Variants in TGFBR3 observed in about 807,000 individuals in gnomAD.
The protein encoded by TGFBR3 is transforming growth factor beta receptor type 3.
A neutral mutation model predicts 87.9 loss-of-function variants in TGFBR3; 46 were observed. The observed-to-expected ratio is 0.52, with a 90% CI of 0.41 to 0.67. TGFBR3 has a LOEUF of 0.67. TGFBR3 is among the 30% of genes least tolerant of loss of function. The pLI, the probability that TGFBR3 is intolerant of heterozygous loss-of-function variation, is 0.00. For missense variants in TGFBR3, 866 were observed against 1,041.9 expected (o/e 0.83, Z 2.32); for synonymous variants, 381 against 391.6 (o/e 0.97, Z 0.32).
intron 3 of TGFBR3, among the ~76,000 whole-genome samples, chr1:91,782,315 A>G (rs1476560108): frequency 6.6e-6 from 1 of 152,204 alleles, no homozygotes; most frequent in Non-Finnish European, 1.5e-5. Context: ...ATGTATCATC[A>G]TTGGAAATTA....
At chr1:91,805,524 C>T (rs1212026910) in intron 2 of TGFBR3, among the ~76,000 whole-genome samples, 2 of 152,202 alleles carry the variant, frequency 1.3e-5, no homozygotes, top group Non-Finnish European at 2.9e-5. Context: ...GAAGACAGCA[C>T]AAATTCAAAT....
chr1:91,729,033 TACACACACACACACACACACACAC>T (rs56158224), intron 6 of TGFBR3, among the ~76,000 whole-genome samples: 1 of 89,620 alleles, frequency 1.1e-5, no homozygotes, highest in Non-Finnish European at 2.2e-5. Flanking sequence ...CACTCCAGCA[TACACACACACACACACACACACAC>T]ACACACACAC....
At chr1:91,763,329 G>C (rs1295815432) in intron 3 of TGFBR3, among the ~76,000 whole-genome samples, 1 of 152,168 alleles carries the variant, frequency 6.6e-6, no homozygotes, top group Non-Finnish European at 1.5e-5. Context: ...GTCCAATTTT[G>C]CTAACGTGTC....
intron 2 of TGFBR3, among the ~76,000 whole-genome samples, chr1:91,804,338 C>T (rs1423561186): frequency 6.6e-6 from 1 of 152,154 alleles, no homozygotes; most frequent in African/African-American, 2.4e-5. Flanking sequence ...CTGGCCAATC[C>T]CCTCTCTCCA....
At chr1:91,824,596 T>C (rs1473884449) in intron 2 of TGFBR3, among the ~76,000 whole-genome samples, 1 of 152,152 alleles carries the variant, frequency 6.6e-6, no homozygotes, top group Non-Finnish European at 1.5e-5. Flanking sequence ...TAATTCAAAA[T>C]GACAGATAAT....
intron 1 of TGFBR3, among the ~76,000 whole-genome samples, chr1:91,876,119 G>A (rs1269820228): frequency 3.3e-5 from 5 of 152,020 alleles, no homozygotes; most frequent in African/African-American, 4.8e-5. Context: ...GGGGTGTGGT[G>A]GGCGTGGGAG....
At chr1:91,864,612 C>T (rs1036780423) in intron 1 of TGFBR3, among the ~76,000 whole-genome samples, 1 of 152,118 alleles carries the variant, frequency 6.6e-6, no homozygotes, top group African/African-American at 2.4e-5. Context: ...TGAAAGATTC[C>T]CAAGGCAGAG....
chr1:91,864,960 T>C (rs1678332924), intron 1 of TGFBR3, among the ~76,000 whole-genome samples: 1 of 152,114 alleles, frequency 6.6e-6, no homozygotes, highest in African/African-American at 2.4e-5. Context: ...CCCAGCACTT[T>C]GGGAGGCCGA....
At chr1:91,768,689 G>C (rs1312362064) in intron 3 of TGFBR3, among the ~76,000 whole-genome samples, 2 of 152,180 alleles carry the variant, frequency 1.3e-5, no homozygotes, top group Non-Finnish European at 2.9e-5. Context: ...TGTAAGATGT[G>C]TCTGCTTTCC....
rs142899347 is a variant in TGFBR3, at chr1:91,856,301, C to T, written c.61+5170G>A. Among the ~76,000 whole-genome samples, 863 of 152,256 alleles carry T rather than the reference C, an allele frequency of 5.7e-3. 22 individuals are homozygous for T. Among genetic ancestry groups the T allele is most frequent in the Admixed American group, 0.047 (724 of 15,284 alleles). The stretch of plus-strand genomic sequence containing the variant: ...CAGGATGGTCTCAATCTCCTGACCT[C>T]GTAATCTGCCCGCCTCGGCCTCCCA... On this transcript the variant is annotated intron_variant, in intron 2 of 16. Coordinates refer to ENST00000212355, the MANE Select transcript of TGFBR3 (RefSeq NM_003243.5).
chr1:91,900,315 T>C (rs1422966889), intron 1 of TGFBR3, among the ~76,000 whole-genome samples: 1 of 152,152 alleles, frequency 6.6e-6, no homozygotes, highest in Non-Finnish European at 1.5e-5. Flanking sequence ...GGTTTCACCA[T>C]GTTGGCCAGG....
intron 4 of TGFBR3, among the ~76,000 whole-genome samples, chr1:91,747,841 C>T (rs1022591925): frequency 2.6e-5 from 4 of 152,232 alleles, no homozygotes; most frequent in Non-Finnish European, 5.9e-5. Context: ...CTGTGGACAG[C>T]GGCTTCCGCT....
intron 16 of TGFBR3, among the ~76,000 whole-genome samples, chr1:91,694,999 G>T (rs1348642997): frequency 6.6e-6 from 1 of 152,096 alleles, no homozygotes; most frequent in Non-Finnish European, 1.5e-5. Flanking sequence ...GTCAGAACAG[G>T]TTCTCTCATC....
At chr1:91,847,563 A>T (rs1200746605) in intron 2 of TGFBR3, among the ~76,000 whole-genome samples, 2 of 148,120 alleles carry the variant, frequency 1.4e-5, no homozygotes, top group African/African-American at 5.0e-5. Flanking sequence ...AGATCACGCC[A>T]TTGCACTCCA....
intron 2 of TGFBR3, among the ~76,000 whole-genome samples, chr1:91,893,766 T>C (rs1057510214): frequency 6.6e-6 from 1 of 152,094 alleles, no homozygotes; most frequent in African/African-American, 2.4e-5. Context: ...TTATAGTCCA[T>C]GTTTTTCAAA....
At chr1:91,794,448 C>T (rs1484774868) in intron 3 of TGFBR3, among the ~76,000 whole-genome samples, 2 of 152,198 alleles carry the variant, frequency 1.3e-5, no homozygotes, top group African/African-American at 4.8e-5. Flanking sequence ...GGTGATCCAC[C>T]TGCCTCGGCC....
chr1:91,789,306 G>GA (rs972650357), intron 3 of TGFBR3, among the ~76,000 whole-genome samples: 1 of 150,132 alleles, frequency 6.7e-6, no homozygotes, highest in Non-Finnish European at 1.5e-5. Context: ...GACTCGTCTC[G>GA]AAAAAAAAAG....
intron 14 of TGFBR3, among the ~76,000 whole-genome samples, chr1:91,707,678 A>G (rs1671840143): frequency 1.3e-5 from 2 of 152,148 alleles, no homozygotes; most frequent in African/African-American, 4.8e-5. Flanking sequence ...CTGTAGCTCT[A>G]ATCCTGAAAT....
At chr1:91,779,741 C>CTAATGTGAG (rs59903843) in intron 3 of TGFBR3, among the ~76,000 whole-genome samples, 20,277 of 152,052 alleles carry the variant, frequency 0.13, 1,661 homozygotes, top group East Asian at 0.25. Flanking sequence ...GGAACTCAAA[C>CTAATGTGAG]TAATGTGAGT....
Sources: allele counts gnomAD v4.1 joint callset (sites outside exome capture counted in the v4.1 genomes callset), GRCh38; gene constraint gnomAD v4.1.1; transcripts MANE v1.5; gene names NCBI Gene and HGNC (gene_info 2026-07-23, HGNC 2026-07-21).